Variants in GSAP observed in about 807,000 individuals in gnomAD.
The protein encoded by GSAP is gamma-secretase-activating protein.
GSAP carries 118 observed loss-of-function variants against 131.7 expected under a neutral mutation model. The observed-to-expected ratio is 0.90, with a 90% confidence interval of 0.77 to 1.04. GSAP has a LOEUF of 1.04. GSAP is among the 50% of genes least tolerant of loss of function. The pLI, the probability that GSAP is intolerant of heterozygous loss-of-function variation, is 0.00. For missense variants in GSAP, 1,019 were observed against 1,013.2 expected, an observed-to-expected ratio of 1.01 and a Z score of -0.08; for synonymous variants, 381 against 363.4, an observed-to-expected ratio of 1.05 and a Z score of -0.55.
intron 26 of GSAP, chr7:77,315,866 A>G (rs137878618): frequency 1.2e-4 from 19 of 152,374 alleles, no homozygotes; most frequent in African/African-American, 4.3e-4. Flanking sequence ...AGGGGCTAAG[A>G]GTATAAAAAT....
At chr7:77,343,274 C>T (rs1791283984) in intron 19 of GSAP, among the ~76,000 whole-genome samples, 1 of 152,186 alleles carries the variant, frequency 6.6e-6, no homozygotes, top group African/African-American at 2.4e-5. Flanking sequence ...CTATTTTCTT[C>T]CTCACACCTG....
chr7:77,377,371 T>G lies in GSAP; in HGVS notation c.596A>C (p.His199Pro). 6.5e-7 allele frequency: 1 copy of G among 1,548,838 alleles called. No homozygotes were observed. Among genetic ancestry groups the G allele is most frequent in the Non-Finnish European group, 8.6e-7 (1 of 1,157,882 alleles). Residue 199 changes from histidine to proline, a missense_variant, in exon 9 of 31, where the codon CAT becomes CCT. Transcript: ENST00000257626. ...CTCAGCTATTCTGTCTCTTGGGAGATGGCCAGAATTTTTAATCACCTAAAA... is the reference window on the plus strand; with the variant it reads ...CTCAGCTATTCTGTCTCTTGGGAGAGGGCCAGAATTTTTAATCACCTAAAA... ...GNRVVIKNSG[H>P]LPRDRIAEDF... is the part of the protein sequence containing the mutation.
At chr7:77,373,345 G>A (rs570758297) in intron 12 of GSAP, among the ~76,000 whole-genome samples, 8 of 152,300 alleles carry the variant, frequency 5.3e-5, no homozygotes, top group African/African-American at 1.9e-4. Flanking sequence ...TTGGCCTAAT[G>A]GGTGAATATC....
intron 3 of GSAP, among the ~76,000 whole-genome samples, chr7:77,400,327 C>T (rs973274537): frequency 1.3e-5 from 2 of 152,134 alleles, no homozygotes; most frequent in African/African-American, 4.8e-5. Flanking sequence ...CTTTCCACCT[C>T]CTCACTGGGA....
At chr7:77,405,653 T>G (rs1327348632) in intron 2 of GSAP, among the ~76,000 whole-genome samples, 1 of 152,230 alleles carries the variant, frequency 6.6e-6, no homozygotes, top group African/African-American at 2.4e-5. Context: ...TTCTCCTGCC[T>G]CAGCCTCCTG....
intron 5 of GSAP, among the ~76,000 whole-genome samples, chr7:77,390,228 G>T (rs1168334042): frequency 1.3e-5 from 2 of 152,082 alleles, no homozygotes; most frequent in African/African-American, 4.8e-5. Flanking sequence ...CTCCCATTCT[G>T]TAGGTTGCCT....
rs374598732 is a variant in GSAP at position 77,353,024 on chromosome 7, A to T, written c.1411T>A (p.Ser471Thr). The change falls in exon 18 of 31, where the codon TCT becomes ACT. Residue 471 changes from serine to threonine, a missense_variant and splice_region_variant. Coordinates refer to ENST00000257626, the MANE Select transcript of GSAP (RefSeq NM_017439.4). Reference protein sequence around the residue: ...FDLIQEFIIASSYWSVYSETS... With the variant: ...FDLIQEFIIATSYWSVYSETS... ...TCTGAATATACACTCCAGTATGAAG[A>T]AGCTGAGTAGATTTTTTTTGAAACA... is the stretch of plus-strand genomic sequence containing the variant. 30 of 1,586,642 alleles carry T rather than the reference A, an allele frequency of 1.9e-5. No individual in the cohort carries two copies. Among genetic ancestry groups the T allele is most frequent in the Non-Finnish European group, 2.6e-5 (30 of 1,155,758 alleles).
intron 5 of GSAP, among the ~76,000 whole-genome samples, chr7:77,393,137 T>C (rs1394173927): frequency 6.6e-6 from 1 of 152,136 alleles, no homozygotes; most frequent in Non-Finnish European, 1.5e-5. Context: ...AATGGTACAA[T>C]TTGTCTCATC....
intron 12 of GSAP, among the ~76,000 whole-genome samples, chr7:77,369,792 C>CT (rs774780378): frequency 2.6e-5 from 4 of 152,008 alleles, no homozygotes; most frequent in Admixed American, 6.6e-5. Context: ...TAAAAAAACA[C>CT]TTTTGAAGAG....
intron 5 of GSAP, among the ~76,000 whole-genome samples, chr7:77,391,732 G>T (rs1584700897): frequency 1.3e-5 from 2 of 152,284 alleles, no homozygotes; most frequent in East Asian, 3.9e-4. Context: ...TTACTCAGAA[G>T]GTTGAGGTGG....
intron 22 of GSAP, 39 bp downstream of exon 22, chr7:77,328,567 A>G (rs1788645591): frequency 1.3e-6 from 2 of 1,599,096 alleles, no homozygotes; most frequent in Admixed American, 1.8e-5. Flanking sequence ...CAAAACACTG[A>G]CTGGAACCCA....
intron 5 of GSAP, among the ~76,000 whole-genome samples, chr7:77,392,054 G>A (rs200103520): frequency 4.0e-5 from 6 of 151,446 alleles, no homozygotes; most frequent in Non-Finnish European, 8.8e-5. Flanking sequence ...GGGAAACCCC[G>A]TCTCTACTAA....
chr7:77,387,787 T>C (rs113940201), intron 5 of GSAP, among the ~76,000 whole-genome samples: 56 of 152,314 alleles, frequency 3.7e-4, no homozygotes, highest in African/African-American at 1.3e-3. Flanking sequence ...GGGAAGTCTT[T>C]GAACAGCCCT....
At chr7:77,312,762 T>A (rs1794541372) in intron 28 of GSAP, among the ~76,000 whole-genome samples, 1 of 152,182 alleles carries the variant, frequency 6.6e-6, no homozygotes, top group South Asian at 2.1e-4. Context: ...TCCAGAAAGG[T>A]AACAGACAGC....
chr7:77,332,147 G>A (rs528270874), intron 19 of GSAP, among the ~76,000 whole-genome samples: 1 of 152,274 alleles, frequency 6.6e-6, no homozygotes, highest in Admixed American at 6.5e-5. Flanking sequence ...TGGGAGGGGA[G>A]AAACTCAGAT....
chr7:77,353,870 T>C (rs1391075134), intron 16 of GSAP, among the ~76,000 whole-genome samples: 1 of 152,196 alleles, frequency 6.6e-6, no homozygotes, highest in East Asian at 1.9e-4. Flanking sequence ...TAAATCTCCT[T>C]GGCTGGAAAC....
chr7:77,331,693 C>T (rs1027664829), intron 19 of GSAP: 1 of 152,078 alleles, frequency 6.6e-6, no homozygotes, highest in African/African-American at 2.4e-5. Context: ...CTTTCAGAAG[C>T]CTGAAATGCC....
intron 11 of GSAP, 51 bp from the exon 12 acceptor site, chr7:77,374,206 C>A: frequency 1.1e-6 from 1 of 897,092 alleles, no homozygotes; most frequent in South Asian, 1.4e-5. Context: ...AAATACATCC[C>A]TTCATAAAGG....
chr7:77,363,943 T>C (rs1222916777), intron 12 of GSAP, among the ~76,000 whole-genome samples: 1 of 152,130 alleles, frequency 6.6e-6, no homozygotes, highest in Non-Finnish European at 1.5e-5. Context: ...AAAAGTCTCA[T>C]ATACCACTTG....
Sources: allele counts gnomAD v4.1 joint callset (sites outside exome capture counted in the v4.1 genomes callset), GRCh38; gene constraint gnomAD v4.1.1; transcripts MANE v1.5; gene names NCBI Gene and HGNC (gene_info 2026-07-23, HGNC 2026-07-21).